Variants in ZNF91 observed in about 807,000 individuals in gnomAD.
The protein encoded by ZNF91 is zinc finger protein 91.
A neutral mutation model predicts 12.6 loss-of-function variants in ZNF91; 7 were observed. The ratio of observed to expected loss-of-function variants is 0.55; its 90% CI spans 0.31 to 1.04. The LOEUF is 1.04. ZNF91 is among the 50% of genes least tolerant of loss of function. The probability of loss-of-function intolerance (pLI) is 0.05; values close to 1 mark genes in which losing one functional copy is unlikely to be tolerated. For synonymous variants in ZNF91, 453 were observed against 462.6 expected (o/e 0.98, Z 0.27); for missense variants, 1,217 against 1,385.4 (o/e 0.88, Z 1.93).
At chr19:23,333,112 G>A (rs1179490776) in intron 1 of ZNF91, among the ~76,000 whole-genome samples, 1 of 152,074 alleles carries the variant, frequency 6.6e-6, no homozygotes, top group African/African-American at 2.4e-5. Flanking sequence ...CTTTTTTGTG[G>A]ACACCCACTT....
At position 23,359,376 on chromosome 19, in the gene ZNF91, C is replaced by T. The variant is rs1168387740; in HGVS notation, c.*27G>A. The T allele has an allele frequency of 2.5e-6, 2 of 798,426 alleles. No individual in the cohort carries two copies. The highest frequency in any genetic ancestry group is 2.0e-6 in the Non-Finnish European group (1 of 508,990). 49.5% of individuals were successfully genotyped at this position (798,426 alleles called of 1,614,324 possible). A position where few individuals can be genotyped will look rare whatever the true frequency, so the allele number is the denominator to read the frequency against. The stretch of plus-strand genomic sequence containing the variant: ...TAGCTGGGACTACAGGCGCCCGCCA[C>T]CACGCCCGGCTAATTTTTTGTATTT... On this transcript the variant is annotated 3_prime_UTR_variant, in exon 4 of 4. Transcript: ENST00000300619.
intron 3 of ZNF91, among the ~76,000 whole-genome samples, chr19:23,365,650 G>A (rs1205900324): frequency 6.6e-6 from 1 of 151,638 alleles, no homozygotes; most frequent in Non-Finnish European, 1.5e-5. Flanking sequence ...CAATAGTGAA[G>A]GGAAGGTCAG....
At chr19:23,324,132 CTCCTCTCG>C (rs1967789307) in intron 1 of ZNF91, 1 of 151,308 alleles carries the variant, frequency 6.6e-6, no homozygotes, top group Non-Finnish European at 1.5e-5. Flanking sequence ...TCCTCTCCTC[CTCCTCTCG>C]TCCTCTTCTC....
chr19:23,379,148 C>T (rs1969608685), intron 1 of ZNF91, among the ~76,000 whole-genome samples: 1 of 152,062 alleles, frequency 6.6e-6, no homozygotes, highest in African/African-American at 2.4e-5. Flanking sequence ...GGCTGATGGT[C>T]CAATAATAAG....
At chr19:23,331,799 G>A (rs1199027960) in intron 1 of ZNF91, among the ~76,000 whole-genome samples, 1 of 152,172 alleles carries the variant, frequency 6.6e-6, no homozygotes, top group Non-Finnish European at 1.5e-5. Flanking sequence ...GAGAAGTGGA[G>A]TGGTTAACAC....
At position 23,348,497 on chromosome 19, in the gene ZNF91, TCTTTA is replaced by T. The variant is rs1257958266; in HGVS notation, c.254-9448_254-9444del. Among the ~76,000 whole-genome samples the T allele has an allele frequency of 2.6e-4, 39 of 152,366 alleles. No homozygotes were observed. In the East Asian group the frequency reaches 5.4e-3, roughly 21 times the overall value. ...ATACTCTTATAATTTCCTATGCCTG[TCTTTA>T]CTTTAATCTCTTAATCCCATCATCT... On this transcript the variant is annotated intron_variant, in intron 3 of 3. Coordinates refer to the ZNF91 transcript ENST00000599743.
chr19:23,393,877 G>A (rs1029340620), intron 1 of ZNF91, among the ~76,000 whole-genome samples: 2 of 152,112 alleles, frequency 1.3e-5, no homozygotes, highest in African/African-American at 4.8e-5. Context: ...GTGGGCACCT[G>A]TAAGTCCAGC....
intron 1 of ZNF91, among the ~76,000 whole-genome samples, chr19:23,318,581 G>A (rs571485772): frequency 1.3e-5 from 2 of 152,238 alleles, no homozygotes; most frequent in South Asian, 4.2e-4. Context: ...CTGCCCACAG[G>A]GGGCATTGTG....
chr19:23,382,612 C>A (rs1311173519), intron 1 of ZNF91, among the ~76,000 whole-genome samples: 10 of 152,204 alleles, frequency 6.6e-5, no homozygotes, highest in Non-Finnish European at 7.4e-5. Flanking sequence ...ACTGACCACA[C>A]AATCAGAAAT....
chr19:23,316,913 C>T (rs1324382636), intron 1 of ZNF91, among the ~76,000 whole-genome samples: 1 of 152,190 alleles, frequency 6.6e-6, no homozygotes, highest in Non-Finnish European at 1.5e-5. Context: ...TACACGTGGA[C>T]AGAGCCCACA....
At chr19:23,353,193 G>A (rs569494158), downstream of ZNF91, among the ~76,000 whole-genome samples, 1 of 152,238 alleles carries the variant, frequency 6.6e-6, no homozygotes, top group Non-Finnish European at 1.5e-5. Context: ...CTCCAAGATA[G>A]ATCATATGAT....
chr19:23,362,003 C>T lies in ZNF91; in HGVS notation c.976G>A (p.Glu326Lys). ...HTGEKPYKCE[E>K]CGKAFSRSST... ...GAACGGCTAAAAGCTTTGCCACATT[C>T]TTCACATTTGTAGGGTTTCTCTCCA... Residue 326 changes from glutamate to lysine, a missense_variant, in exon 4 of 4, where the codon GAA (glutamate) becomes AAA (lysine). By Grantham distance (56) the Glu-to-Lys change is moderately conservative. This residue lies in a region of ZNF91 where 726 missense variants were observed against 895.5 expected (regional missense o/e 0.81). Coordinates refer to ENST00000300619, the MANE Select transcript of ZNF91 (RefSeq NM_003430.4). 6.2e-7 allele frequency: 1 copy of T among 1,613,622 alleles called. No individual in the cohort carries two copies. The highest frequency in any genetic ancestry group is 1.1e-5 in the South Asian group (1 of 91,008).
chr19:23,350,960 C>G (rs1457797239), intron 3 of ZNF91, among the ~76,000 whole-genome samples: 1 of 152,116 alleles, frequency 6.6e-6, no homozygotes, highest in Non-Finnish European at 1.5e-5. Flanking sequence ...TGTCTGTTGG[C>G]ACGCTCTCAG....
rs1382531087 is a variant in ZNF91, at chr19:23,361,135, G to A, written c.1844C>T (p.Ser615Leu). 6.2e-7 allele frequency: 1 copy of A among 1,613,642 alleles called. No individual in the cohort carries two copies. The highest frequency in any genetic ancestry group is 1.3e-5 in the African/African-American group (1 of 74,842). ...TATCCTCTTATGTCTTCTTAGGGTT[G>A]AGGACCATAGAAATGCTTTGCCACA... The part of the protein sequence containing the change: ...EECGKAFLWS[S>L]TLRRHKRIHT... Residue 615 changes from serine to leucine, a missense_variant, in exon 4 of 4, where the codon TCA becomes TTA. Ser to Leu is a moderately radical substitution (Grantham distance 145, BLOSUM62 -2). Coordinates refer to ENST00000300619, the MANE Select transcript of ZNF91 (RefSeq NM_003430.4).
At chr19:23,376,776 C>T (rs560125062) in intron 1 of ZNF91, among the ~76,000 whole-genome samples, 149 of 152,232 alleles carry the variant, frequency 9.8e-4, no homozygotes, top group African/African-American at 1.7e-3. Context: ...AAGTACTAAA[C>T]GCGTGGCATT....
intron 1 of ZNF91, among the ~76,000 whole-genome samples, chr19:23,390,251 G>A (rs1382764804): frequency 6.6e-6 from 1 of 152,114 alleles, no homozygotes; most frequent in African/African-American, 2.4e-5. Context: ...GGGAGACGGA[G>A]GTTGTGGTGA....
rs60949145 is a variant in ZNF91 at position 23,393,701 on chromosome 19, CA to C, written c.30+1623del. ...TTAAATGTGCCATCAAATGCTTTGT[CA>C]AAAAAAAAATTAATTGGCCAGATGC... On this transcript the variant is annotated intron_variant, in intron 1 of 3. Coordinates refer to ENST00000300619, the MANE Select transcript of ZNF91 (RefSeq NM_003430.4). Among the ~76,000 whole-genome samples the C allele has an allele frequency of 6.7e-4, 101 of 150,322 alleles. 1 individual carries two copies. Among genetic ancestry groups the C allele is most frequent in the African/African-American group, 4.4e-4 (18 of 41,062 alleles).
At chr19:23,319,856 A>T (rs956699420) in intron 1 of ZNF91, among the ~76,000 whole-genome samples, 6 of 152,196 alleles carry the variant, frequency 3.9e-5, no homozygotes, top group Non-Finnish European at 8.8e-5. Flanking sequence ...TGACTCTCAT[A>T]CCTTGAACTA....
intron 1 of ZNF91, chr19:23,384,692 A>G: frequency 3.4e-6 from 2 of 588,792 alleles, no homozygotes; most frequent in Non-Finnish European, 6.2e-6. Flanking sequence ...GTCTTTGGAG[A>G]TATTTCCTTT....
Sources: allele counts gnomAD v4.1 joint callset (sites outside exome capture counted in the v4.1 genomes callset), GRCh38; gene constraint gnomAD v4.1.1; regional missense constraint gnomAD v4.1.1; transcripts MANE v1.5; gene names NCBI Gene and HGNC (gene_info 2026-07-23, HGNC 2026-07-21).